CLNK: variants seen among roughly 807,000 people sequenced by gnomAD.
The protein encoded by CLNK is cytokine dependent hematopoietic cell linker.
In CLNK, 74 loss-of-function variants were observed where a neutral mutation model predicts 68.6. The observed-to-expected ratio is 1.08, with a 90% CI of 0.89 to 1.31. The LOEUF is 1.31. Ranked by LOEUF, CLNK falls within the 50% of genes most tolerant of loss-of-function variation. CLNK has a pLI of 0.00. For synonymous variants in CLNK, 198 were observed against 172.2 expected (o/e 1.15, Z -1.17); for missense variants, 553 against 515.3 (o/e 1.07, Z -0.71).
intron 6 of CLNK, 82 bp from the exon 7 acceptor site, chr4:10,564,859 A>G: frequency 1.2e-6 from 1 of 830,194 alleles, no homozygotes; most frequent in East Asian, 2.6e-5. Context: ...CACATCTACA[A>G]ACTCATTGGA....
the CLNK span, among the ~76,000 whole-genome samples, chr4:10,708,233 A>G: frequency 4.5e-4 from 68 of 152,330 alleles, no homozygotes; most frequent in South Asian, 8.3e-4. Context: ...ATCCGAAAGT[A>G]GGAGTATAAT....
the CLNK span, among the ~76,000 whole-genome samples, chr4:10,696,226 T>C: frequency 3.4e-4 from 51 of 152,148 alleles, 1 homozygote; most frequent in African/African-American, 1.2e-3. Context: ...ATGGGTCTCG[T>C]GTGCCACCAC....
In CLNK at chr4:10,568,021, A is replaced by T. The variant is rs561460385; in HGVS notation, c.151-1871T>A. 3.0e-4 allele frequency among the ~76,000 whole-genome samples: 46 copies of T among 152,370 alleles called. No individual in the cohort carries two copies. The East Asian group carries it at 7.1e-3, about 24-fold the overall frequency. The stretch of plus-strand genomic sequence containing the variant: ...GCAGAAAATGCTTTGGCAGTTCCTC[A>T]AAAGGTTAAACACAGAGCTACCATA... On this transcript the variant is annotated intron_variant, in intron 5 of 18. Coordinates refer to ENST00000226951, the MANE Select transcript of CLNK (RefSeq NM_052964.4).
intron 4 of CLNK, among the ~76,000 whole-genome samples, chr4:10,581,660 T>C (rs1341286173): frequency 6.6e-6 from 1 of 152,122 alleles, no homozygotes; most frequent in Non-Finnish European, 1.5e-5. Context: ...CTTTAATTTT[T>C]TTTTTTTTTA....
At chr4:10,607,929 G>A (rs1259380565) in intron 2 of CLNK, among the ~76,000 whole-genome samples, 1 of 152,192 alleles carries the variant, frequency 6.6e-6, no homozygotes, top group African/African-American at 2.4e-5. Context: ...TGTTGTCCAT[G>A]GTGGATAATC....
chr4:10,597,300 G>A (rs1254877484), intron 3 of CLNK, among the ~76,000 whole-genome samples: 1 of 152,176 alleles, frequency 6.6e-6, no homozygotes, highest in East Asian at 1.9e-4. Context: ...GGGAGAGACG[G>A]TTCTGCGCAT....
chr4:10,692,071 T>A, the CLNK span: 1 of 151,954 alleles, frequency 6.6e-6, no homozygotes, highest in African/African-American at 2.4e-5. Flanking sequence ...CTAGAAAGAA[T>A]GAGAAAGGAA....
At chr4:10,731,648 G>A in the CLNK span, among the ~76,000 whole-genome samples, 1 of 152,194 alleles carries the variant, frequency 6.6e-6, no homozygotes, top group Non-Finnish European at 1.5e-5. Context: ...TTACCCTACA[G>A]TTATTAACCA....
At chr4:10,675,464 A>G (rs562824975) in intron 1 of CLNK, among the ~76,000 whole-genome samples, 1 of 152,194 alleles carries the variant, frequency 6.6e-6, no homozygotes, top group Non-Finnish European at 1.5e-5. Context: ...CAACAATCGC[A>G]TTTCCTTGTT....
intron 15 of CLNK, among the ~76,000 whole-genome samples, chr4:10,513,859 AT>A (rs1011799610): frequency 1.6e-4 from 22 of 138,140 alleles, no homozygotes; most frequent in Admixed American, 3.7e-4. Flanking sequence ...TTATTATTTT[AT>A]TTTTTTTTAA....
intron 4 of CLNK, among the ~76,000 whole-genome samples, chr4:10,575,472 G>A (rs148515424): frequency 1.3e-3 from 194 of 152,344 alleles, no homozygotes; most frequent in Non-Finnish European, 2.3e-3. Flanking sequence ...ATTAAAGAGC[G>A]CCTCTCCAGC....
At chr4:10,551,019 A>G (rs1232900912) in intron 8 of CLNK, among the ~76,000 whole-genome samples, 1 of 152,226 alleles carries the variant, frequency 6.6e-6, no homozygotes, top group East Asian at 1.9e-4. Flanking sequence ...CTGGACAAAG[A>G]AATGATTCGA....
rs951808937 is a variant in CLNK at position 10,551,829 on chromosome 4, T to C, written c.445+6578A>G. Among the ~76,000 whole-genome samples, 5 of 150,924 alleles carry C rather than the reference T, an allele frequency of 3.3e-5. No individual in the cohort carries two copies. In the South Asian group the frequency reaches 8.3e-4, roughly 25 times the overall value. The stretch of plus-strand genomic sequence containing the variant: ...TGTAAAACTGCCTTTGCAAAGATTA[T>C]ATCAGTGAGAGAATTGTAATTTTTT... On this transcript the variant is annotated intron_variant, in intron 8 of 18. Coordinates refer to ENST00000226951, the MANE Select transcript of CLNK (RefSeq NM_052964.4).
At chr4:10,722,854 A>C in the CLNK span, among the ~76,000 whole-genome samples, 5 of 152,310 alleles carry the variant, frequency 3.3e-5, no homozygotes, top group East Asian at 9.6e-4. Context: ...GTTCGAGACC[A>C]GCCTGGCCAG....
chr4:10,553,091 G>A (rs886322517), intron 8 of CLNK, among the ~76,000 whole-genome samples: 3 of 152,134 alleles, frequency 2.0e-5, no homozygotes, highest in African/African-American at 7.2e-5. Flanking sequence ...ACGTTCACAA[G>A]CTGTCTGTAG....
chr4:10,601,495 G>C (rs890826253), intron 2 of CLNK, among the ~76,000 whole-genome samples: 1 of 152,212 alleles, frequency 6.6e-6, no homozygotes. Context: ...TGAATCCTAA[G>C]TGTTCAGATT....
rs556433461 is a variant in CLNK at position 10,493,912 on chromosome 4, G to A, written c.1141-3299C>T. Among the ~76,000 whole-genome samples the A allele has an allele frequency of 3.3e-5, 5 of 152,324 alleles. No individual in the cohort carries two copies. In the East Asian group the frequency reaches 5.8e-4, roughly 18 times the overall value. ...ATAGGACCTAACTTTGAGATTCATT[G>A]TGAGAATGGAATTGATGCATATGCA... On this transcript the variant is annotated intron_variant, in intron 18 of 18. Coordinates refer to ENST00000226951, the MANE Select transcript of CLNK (RefSeq NM_052964.4).
At chr4:10,586,686 T>C (rs1229813081) in intron 3 of CLNK, among the ~76,000 whole-genome samples, 2 of 152,200 alleles carry the variant, frequency 1.3e-5, no homozygotes, top group African/African-American at 4.8e-5. Context: ...GGGCCCTTTG[T>C]TGCATATTAC....
the CLNK span, among the ~76,000 whole-genome samples, chr4:10,708,717 G>A: frequency 3.3e-5 from 5 of 152,198 alleles, no homozygotes; most frequent in Non-Finnish European, 2.9e-5. Context: ...CACTCTGGTG[G>A]TAGGGTACAG....
Sources: allele counts gnomAD v4.1 joint callset (sites outside exome capture counted in the v4.1 genomes callset), GRCh38; gene constraint gnomAD v4.1.1; transcripts MANE v1.5; gene names NCBI Gene and HGNC (gene_info 2026-07-23, HGNC 2026-07-21).